Variants in ASNSD1 observed in about 807,000 individuals in gnomAD.
ASNSD1 encodes asparagine synthetase domain containing 1.
ASNSD1 carries 36 observed loss-of-function variants against 48.3 expected under a neutral mutation model. The observed-to-expected ratio is 0.75, with a 90% CI of 0.57 to 0.99. The LOEUF (loss-of-function observed/expected upper bound fraction) is 0.99. Among genes scored for constraint, ASNSD1 ranks in the 50% least tolerant of loss-of-function variants. The pLI, the probability that ASNSD1 is intolerant of heterozygous loss-of-function variation, is 0.00. For synonymous variants in ASNSD1, 257 were observed against 262.1 expected (o/e 0.98, Z 0.19); for missense variants, 714 against 758.2 (o/e 0.94, Z 0.69).
Position 189,665,431 on chromosome 2 carries a change from AAAT to A in ASNSD1, c.-112_-110del. On this transcript the variant is annotated 5_prime_UTR_variant, in exon 3 of 6. An upstream start codon of the reference 5' UTR is lost. Coordinates refer to ENST00000260952, the MANE Select transcript of ASNSD1 (RefSeq NM_019048.4). The stretch of plus-strand genomic sequence containing the variant: ...ATATTCTTTCTTGCAGACCGAACAG[AAAT>A]GCTGTCTGAGAGCAAGAGTAAGTTT... The A allele has an allele frequency of 2.5e-6, 1 of 397,786 alleles. No individual in the cohort carries two copies. The highest frequency in any genetic ancestry group is 4.4e-6 in the Non-Finnish European group (1 of 225,584). 24.6% of individuals were successfully genotyped at this position (397,786 alleles called of 1,614,324 possible).
chr2:189,665,592 ATATGTG>A (rs2032769313), intron 3 of ASNSD1, 141 bp downstream of exon 3: 3 of 12,770 alleles, frequency 2.3e-4, no homozygotes, highest in Admixed American at 1.7e-3. Flanking sequence ...AGTTATATAT[ATATGTG>A]TATATATATA....
Sources: allele counts gnomAD v4.1 joint callset, GRCh38; gene constraint gnomAD v4.1.1; transcripts MANE v1.5; gene names NCBI Gene and HGNC (gene_info 2026-07-23, HGNC 2026-07-21).